Variants in ADGRG5 observed in about 807,000 individuals in gnomAD.
The protein encoded by ADGRG5 is G protein-coupled receptor 114.
ADGRG5 carries 37 observed loss-of-function variants against 53.2 expected under a neutral mutation model. That is an observed-to-expected ratio of 0.70 (90% CI 0.53 to 0.91). ADGRG5 has a LOEUF of 0.91. ADGRG5 is among the 40% of genes least tolerant of loss of function. The pLI, the probability that ADGRG5 is intolerant of heterozygous loss-of-function variation, is 0.00. For missense variants in ADGRG5, 614 were observed against 675.8 expected (o/e 0.91, Z 1.01); for synonymous variants, 277 against 290.4 (o/e 0.95, Z 0.47).
At position 57,562,049 on chromosome 16, in the gene ADGRG5, T is replaced by A. The variant is rs1345197061; in HGVS notation, c.-38-7T>A. 3.3e-6 allele frequency: 5 copies of A among 1,492,998 alleles called. No homozygotes were observed. The highest frequency in any genetic ancestry group is 1.4e-5 in the African/African-American group (1 of 71,244). The allele number at this position is 1,492,998 out of a possible 1,614,324, so 92.5% of individuals were successfully genotyped here. ...ATCATCATGGTGATGGCATGCACCT[T>A]TTTCAGGGCCGGAGCCAGTTCTTGG... On this transcript the variant is annotated splice_region_variant and splice_polypyrimidine_tract_variant and intron_variant, in intron 1 of 11. Transcript: ENST00000349457.
At chr16:57,567,375 AC>A in intron 7 of ADGRG5, 94 bp from the exon 8 acceptor site, 1 of 1,396,160 alleles carries the variant, frequency 7.2e-7, no homozygotes, top group Non-Finnish European at 9.8e-7. Context: ...GGGGAAGGGG[AC>A]TTGGAGAGGA....
intron 6 of ADGRG5, chr16:57,566,293 T>A (rs1483772389): frequency 1.1e-5 from 3 of 282,168 alleles, no homozygotes; most frequent in Non-Finnish European, 2.0e-5. Context: ...AGGCCAGAGC[T>A]GGACACTCAA....
At chr16:57,569,267 C>T (rs576724541) in intron 9 of ADGRG5, among the ~76,000 whole-genome samples, 62 of 150,180 alleles carry the variant, frequency 4.1e-4, no homozygotes, top group Admixed American at 3.9e-3. Context: ...TCCTCCACCT[C>T]CATCACCTCC....
chr16:57,539,450 A>ACC (rs767751490), upstream of ADGRG5, among the ~76,000 whole-genome samples: 1 of 77,006 alleles, frequency 1.3e-5, no homozygotes, highest in South Asian at 6.3e-4. Context: ...ATTGCACTGT[A>ACC]CCCCTTTTTT....
chr16:57,530,626 A>G, the ADGRG5 span, among the ~76,000 whole-genome samples: 1 of 152,028 alleles, frequency 6.6e-6, no homozygotes, highest in South Asian at 2.1e-4. Context: ...GAAGCTGTCA[A>G]GCCCCACGGC....
chr16:57,572,999 G>C (rs2033403414), intron 10 of ADGRG5, among the ~76,000 whole-genome samples: 1 of 152,228 alleles, frequency 6.6e-6, no homozygotes, highest in Non-Finnish European at 1.5e-5. Flanking sequence ...TCCTGAGCTA[G>C]AGCCTGAGTT....
At chr16:57,536,819 C>A in the ADGRG5 span, among the ~76,000 whole-genome samples, 5 of 152,114 alleles carry the variant, frequency 3.3e-5, no homozygotes, top group African/African-American at 1.2e-4. Flanking sequence ...CGTGAGGGGC[C>A]GAGAGTTGCG....
intron 10 of ADGRG5, among the ~76,000 whole-genome samples, chr16:57,573,577 A>C: frequency 6.6e-6 from 1 of 152,204 alleles, no homozygotes; most frequent in East Asian, 1.9e-4. Flanking sequence ...TGGAGATTTA[A>C]ATATGCTCTA....
At chr16:57,542,565 G>A (rs2032508496), upstream of ADGRG5, 1 of 152,530 alleles carries the variant, frequency 6.6e-6, no homozygotes, top group African/African-American at 2.4e-5. Context: ...AGGGAGCAGA[G>A]AGAAGTGCAG....
rs370845693 is a variant in ADGRG5 at position 57,574,936 on chromosome 16, C to T, written c.1330C>T (p.Arg444Trp). The T allele has an allele frequency of 3.7e-5, 60 of 1,613,276 alleles. No individual in the cohort carries two copies. The highest frequency in any genetic ancestry group is 1.7e-4 in the Middle Eastern group (1 of 6,046). Residue 444 changes from arginine (R) to tryptophan (W), a missense_variant, in exon 11 of 12, where the codon CGG becomes TGG. Coordinates refer to ENST00000349457, the MANE Select transcript of ADGRG5 (RefSeq NM_001304376.3). This position sits in a 1 kb window ranked among gnomAD's most constrained non-coding sequence, Gnocchi z 4.4. ...ALWTLRRLRE[R>W]ADAPSVRACH... is the part of the protein sequence containing the mutation. ...GTGGACCCTGCGCAGGCTGCGGGAG[C>T]GGGCGGATGCACCAAGTGTCAGGGC...
intron 9 of ADGRG5, 104 bp downstream of exon 9, chr16:57,568,228 T>TG: frequency 3.5e-6 from 4 of 1,137,420 alleles, no homozygotes; most frequent in East Asian, 2.4e-5. Context: ...ATAGTGGCCA[T>TG]TACATGACCA....
In ADGRG5 at chr16:57,575,964, A is replaced by G. The variant is rs2033505928; in HGVS notation, c.*426A>G. ...TTGTTTCAGCCTAACCCAGGAGCTTAGTAAAAATTGCATAAGACCAGGGGG... is the reference window on the plus strand; with the variant it reads ...TTGTTTCAGCCTAACCCAGGAGCTTGGTAAAAATTGCATAAGACCAGGGGG... On this transcript the variant is annotated 3_prime_UTR_variant, in exon 12 of 12. Transcript: ENST00000349457. 6.1e-6 allele frequency: 1 copy of G among 162,754 alleles called. No individual in the cohort carries two copies. The allele number at this position is 162,754 out of a possible 1,614,324, so 10.1% of individuals were successfully genotyped here. A position where few individuals can be genotyped will look rare whatever the true frequency, so the allele number is the denominator to read the frequency against.
Position 57,550,801 on chromosome 16 carries a change from G to A in ADGRG5, c.-39+8100G>A, listed in dbSNP as rs182590135. 1.6e-4 allele frequency among the ~76,000 whole-genome samples: 25 copies of A among 152,124 alleles called. No individual in the cohort carries two copies. In the East Asian group the frequency reaches 4.1e-3, roughly 25 times the overall value. ...TCCCAGCACTTTGGGAGGCCGAGGC[G>A]GGCGGATCATGAGGTCAGGAGATCG... On this transcript the variant is annotated intron_variant, in intron 1 of 11. Coordinates refer to ENST00000349457, the MANE Select transcript of ADGRG5 (RefSeq NM_001304376.3).
At chr16:57,567,831 T>C (rs1596793266) in intron 8 of ADGRG5, 25 bp from the exon 9 acceptor site, 3 of 1,598,026 alleles carry the variant, frequency 1.9e-6, no homozygotes, top group Non-Finnish European at 2.6e-6. Flanking sequence ...CCCTGGGCCA[T>C]GGAGGACCAT....
At chr16:57,560,305 C>T (rs1470632005) in intron 1 of ADGRG5, among the ~76,000 whole-genome samples, 1 of 152,226 alleles carries the variant, frequency 6.6e-6, no homozygotes, top group African/African-American at 2.4e-5. Context: ...GGAGCACATC[C>T]TCCAGCAGCT....
chr16:57,561,881 G>A (rs2033009420), intron 1 of ADGRG5, among the ~76,000 whole-genome samples, 175 bp from the exon 2 acceptor site: 1 of 152,320 alleles, frequency 6.6e-6, no homozygotes, highest in Non-Finnish European at 1.5e-5. Flanking sequence ...CTGGCTTTAG[G>A]CAGGTTTAAG....
chr16:57,553,596 C>G lies in ADGRG5; in HGVS notation c.-38-8460C>G, dbSNP rs184102351. On this transcript the variant is annotated intron_variant, in intron 1 of 11. Transcript: ENST00000349457. ...TGATTATTGTAGCTTTATAGTGAGC[C>G]TTGAAATCAGGTAGTGTGACTCCTC... Among the ~76,000 whole-genome samples the G allele has an allele frequency of 3.3e-5, 5 of 152,288 alleles. No homozygotes were observed. The East Asian group carries it at 9.6e-4, about 29-fold the overall frequency.
At chr16:57,540,770 G>A (rs1417653503), upstream of ADGRG5, among the ~76,000 whole-genome samples, 1 of 152,080 alleles carries the variant, frequency 6.6e-6, no homozygotes, top group Non-Finnish European at 1.5e-5. Context: ...AAGGCAATAG[G>A]GAGCCACCAC....
intron 10 of ADGRG5, among the ~76,000 whole-genome samples, chr16:57,573,894 G>A (rs1229953871): frequency 6.6e-6 from 1 of 152,010 alleles, no homozygotes; most frequent in Non-Finnish European, 1.5e-5. Context: ...GCTAATTTTT[G>A]TATTTTTAGT....
Sources: gnomAD v4.1 joint callset for allele counts (sites outside exome capture counted in the v4.1 genomes callset) on GRCh38, gnomAD v4.1.1 for gene constraint, Gnocchi (gnomAD v3.1) non-coding constraint, MANE v1.5 for transcripts, NCBI Gene and HGNC (gene_info 2026-07-23, HGNC 2026-07-21) for gene names.